The following DCC variants were observed in gnomAD, a reference collection of about 807,000 sequenced individuals.
The protein encoded by DCC is netrin receptor DCC.
Under a neutral mutation model 172.5 loss-of-function variants are expected in DCC, and 58 were observed. That is an observed-to-expected ratio of 0.34 (90% CI 0.27 to 0.42). DCC has a LOEUF of 0.42. DCC is among the 10% of genes least tolerant of loss of function. DCC has a pLI of 1.00. For synonymous variants in DCC, 709 were observed against 644.5 expected (o/e 1.10, Z -1.52); for missense variants, 1,740 against 1,791.0 (o/e 0.97, Z 0.51).
rs530805590 is a variant in DCC at position 52,358,697 on chromosome 18, T to C, written c.91+17819T>C. On this transcript the variant is annotated intron_variant, in intron 1 of 28. Coordinates refer to ENST00000442544, the MANE Select transcript of DCC (RefSeq NM_005215.4). ...CTTGTCTTTGGCATCCTGCAATGCT[T>C]TCCTTACATGTTTCTAGGAGTCCTA... 9.8e-4 allele frequency among the ~76,000 whole-genome samples: 150 copies of C among 152,300 alleles called. 1 individual carries two copies. The highest frequency in any genetic ancestry group is 3.4e-3 in the African/African-American group (143 of 41,576).
chr18:52,943,477 G>A lies in DCC; in HGVS notation c.985+18107G>A, dbSNP rs145873971. On this transcript the variant is annotated intron_variant, in intron 5 of 28. Transcript: ENST00000442544. ...TGATGTTTAGTGAACTATTTGAAGA[G>A]TACATCTGAGAGTTCAAGGGTACAA... Among the ~76,000 whole-genome samples, 4 of 152,294 alleles carry A rather than the reference G, an allele frequency of 2.6e-5. No homozygotes were observed. The East Asian group carries it at 7.7e-4, about 29-fold the overall frequency.
intron 12 of DCC, among the ~76,000 whole-genome samples, chr18:53,229,396 C>G (rs1463533834): frequency 6.6e-6 from 1 of 152,080 alleles, no homozygotes; most frequent in African/African-American, 2.4e-5. Context: ...AGTTACATAG[C>G]CTTATAATTA....
intron 1 of DCC, among the ~76,000 whole-genome samples, chr18:52,481,756 C>T (rs769233452): frequency 2.6e-5 from 4 of 151,932 alleles, no homozygotes; most frequent in Non-Finnish European, 5.9e-5. Flanking sequence ...GTGTATGTTG[C>T]CTCAAGGTCC....
chr18:52,416,809 G>T (rs1987049326), intron 1 of DCC, among the ~76,000 whole-genome samples: 1 of 152,036 alleles, frequency 6.6e-6, no homozygotes, highest in African/African-American at 2.4e-5. Context: ...CACACGATGG[G>T]TCTTGACTCT....
chr18:53,062,244 C>G (rs2042505473), intron 5 of DCC, among the ~76,000 whole-genome samples: 1 of 152,004 alleles, frequency 6.6e-6, no homozygotes, highest in Admixed American at 6.6e-5. Flanking sequence ...CAATGGCCAT[C>G]AAAGATTGGA....
chr18:53,087,456 T>A (rs1199169177), intron 7 of DCC, among the ~76,000 whole-genome samples: 1 of 151,498 alleles, frequency 6.6e-6, no homozygotes, highest in Non-Finnish European at 1.5e-5. Context: ...GTTGTTTGTT[T>A]TTTTCTTGTA....
At chr18:52,487,810 CAAAAAAAA>C (rs5824940) in intron 1 of DCC, among the ~76,000 whole-genome samples, 3 of 74,396 alleles carry the variant, frequency 4.0e-5, no homozygotes, top group East Asian at 1.0e-3. Context: ...GACTCCACCT[CAAAAAAAA>C]AAAAAAAAAA....
At chr18:53,118,730 A>C (rs1487947780) in intron 7 of DCC, among the ~76,000 whole-genome samples, 1 of 151,816 alleles carries the variant, frequency 6.6e-6, no homozygotes, top group African/African-American at 2.4e-5. Flanking sequence ...TTATGTAAAA[A>C]TATAGGTCAT....
intron 1 of DCC, among the ~76,000 whole-genome samples, chr18:52,387,373 G>C (rs556672332): frequency 2.6e-5 from 4 of 152,122 alleles, no homozygotes; most frequent in Non-Finnish European, 5.9e-5. Flanking sequence ...ACCAGAGAGC[G>C]AGTCTGGATG....
Position 53,207,746 on chromosome 18 carries a change from G to T in DCC, c.1790G>T (p.Arg597Leu). Reference sequence around the variant, plus strand: ...AAAAAATTCACCGAATATAGTCTTCGATTCTTAGCTTATAATCGCTATGGT... The same window carrying T: ...AAAAAATTCACCGAATATAGTCTTCTATTCTTAGCTTATAATCGCTATGGT... ...GLKKFTEYSL[R>L]FLAYNRYGPG... Residue 597 changes from arginine (R) to leucine (L), a missense_variant, in exon 11 of 29, where the codon CGA (arginine) becomes CTA (leucine). Arg to Leu is a moderately radical substitution (Grantham distance 102, BLOSUM62 -2). Coordinates refer to ENST00000442544, the MANE Select transcript of DCC (RefSeq NM_005215.4). The T allele has an allele frequency of 6.2e-7, 1 of 1,612,954 alleles. No individual in the cohort carries two copies. The highest frequency in any genetic ancestry group is 8.5e-7 in the Non-Finnish European group (1 of 1,179,078).
intron 2 of DCC, among the ~76,000 whole-genome samples, chr18:52,878,648 A>T (rs189712742): frequency 0.015 from 2,305 of 152,176 alleles, 42 homozygotes; most frequent in African/African-American, 0.039. Flanking sequence ...ATTTTCTCTC[A>T]CATGTTATTT....
rs1447222533 is a variant in DCC at position 53,280,093 on chromosome 18, G to GT, written c.1912-25479dup. Reference sequence around the variant, plus strand: ...ATGTACCCATGAACCTAAAACAAAAGTTTTTTAAAAAAAATCCTAGGCTTC... The same window carrying GT: ...ATGTACCCATGAACCTAAAACAAAAGTTTTTTTAAAAAAAATCCTAGGCTTC... On this transcript the variant is annotated intron_variant, in intron 12 of 28. Coordinates refer to ENST00000442544, the MANE Select transcript of DCC (RefSeq NM_005215.4). 5.3e-5 allele frequency among the ~76,000 whole-genome samples: 8 copies of GT among 152,202 alleles called. No homozygotes were observed. The South Asian group carries it at 6.2e-4, about 12-fold the overall frequency.
chr18:53,214,138 C>T (rs1160248056), intron 11 of DCC, among the ~76,000 whole-genome samples: 1 of 151,896 alleles, frequency 6.6e-6, no homozygotes, highest in African/African-American at 2.4e-5. Flanking sequence ...AATTAAATAA[C>T]ATTTTATAAA....
At chr18:52,990,540 C>CAAAAAA (rs60491222) in intron 5 of DCC, among the ~76,000 whole-genome samples, 41 of 3,648 alleles carry the variant, frequency 0.011, 12 homozygotes, top group East Asian at 0.031. Flanking sequence ...AACTCCATCC[C>CAAAAAA]AAAAAAAAAA....
intron 5 of DCC, among the ~76,000 whole-genome samples, chr18:53,013,402 G>A (rs1374207774): frequency 2.0e-5 from 3 of 151,926 alleles, no homozygotes; most frequent in Non-Finnish European, 2.9e-5. Context: ...CAGAGACGTG[G>A]GTGAAGCTGG....
At chr18:52,751,035 TG>T (rs2036986224) in intron 1 of DCC, among the ~76,000 whole-genome samples, 1 of 152,128 alleles carries the variant, frequency 6.6e-6, no homozygotes, top group African/African-American at 2.4e-5. Context: ...CAGGAGAAAA[TG>T]GGATTAAACA....
chr18:53,462,193 C>T (rs2145172584), intron 24 of DCC, among the ~76,000 whole-genome samples: 1 of 152,216 alleles, frequency 6.6e-6, no homozygotes, highest in Middle Eastern at 3.4e-3. Context: ...CAGGGGTACT[C>T]AACCCCTGGA....
At chr18:52,590,362 T>C (rs2033772820) in intron 1 of DCC, among the ~76,000 whole-genome samples, 1 of 152,188 alleles carries the variant, frequency 6.6e-6, no homozygotes, top group Non-Finnish European at 1.5e-5. Flanking sequence ...TTACCAGATG[T>C]TTTTGGCTAC....
At chr18:53,487,321 C>G (rs956367394) in intron 26 of DCC, among the ~76,000 whole-genome samples, 4 of 152,196 alleles carry the variant, frequency 2.6e-5, no homozygotes. Flanking sequence ...TTGGTTATGT[C>G]TCACTGATTG....
Sources: gnomAD v4.1 joint callset for allele counts (sites outside exome capture counted in the v4.1 genomes callset) on GRCh38, gnomAD v4.1.1 for gene constraint, MANE v1.5 for transcripts, NCBI Gene and HGNC (gene_info 2026-07-23, HGNC 2026-07-21) for gene names.